The following TEX264 variants were observed in gnomAD, a reference collection of about 807,000 sequenced individuals.
The protein encoded by TEX264 is testis expressed 264, ER-phagy receptor, also known as testis-expressed protein 264.
In TEX264, 13 loss-of-function variants were observed where a neutral mutation model predicts 23.4. The ratio of observed to expected loss-of-function variants is 0.56; its 90% confidence interval spans 0.36 to 0.88. The LOEUF (loss-of-function observed/expected upper bound fraction) is 0.88. Ranked by LOEUF, TEX264 falls within the 40% of genes least tolerant of loss-of-function variation. The pLI, the probability that TEX264 is intolerant of heterozygous loss-of-function variation, is 0.01. For missense variants in TEX264, 340 were observed against 406.8 expected, an observed-to-expected ratio of 0.84 and a Z score of 1.41; for synonymous variants, 159 against 170.0, an observed-to-expected ratio of 0.94 and a Z score of 0.50.
At chr3:51,671,923 C>G (rs1362233938) in intron 1 of TEX264, 3 of 152,240 alleles carry the variant, frequency 2.0e-5, no homozygotes, top group Admixed American at 6.5e-5. Context: ...CGCGTCCATC[C>G]CGGGCCTCTG....
At chr3:51,685,470 C>T (rs1390706030) in intron 3 of TEX264, among the ~76,000 whole-genome samples, 1 of 152,124 alleles carries the variant, frequency 6.6e-6, no homozygotes, top group Non-Finnish European at 1.5e-5. Flanking sequence ...AAAAATAGGA[C>T]GTGTGCTAGA....
rs1702820852 is a variant in TEX264, at chr3:51,691,339, T to C, written c.480+6705T>C. ...CTTACCTGCTGGTACTGCCACCTGC[T>C]AAGTGGCCTGCTCTGGCACAGGGAG... On this transcript the variant is annotated intron_variant, in intron 3 of 4. Coordinates refer to ENST00000341333, the MANE Select transcript of TEX264 (RefSeq NM_015926.6). The surrounding 1 kb of genome is among the most constrained non-coding windows in gnomAD (Gnocchi z 4.4). Among the ~76,000 whole-genome samples, 2 of 152,192 alleles carry C rather than the reference T, an allele frequency of 1.3e-5. No homozygotes were observed.
At position 51,704,289 on chromosome 3, in the gene TEX264, A is replaced by G. The variant is rs1348439179; in HGVS notation, c.*273A>G. ...ACTCACAGTGGAGCTTCCAGGACCC[A>G]GAATAAAGCCAATGATTTACTTGTT... On this transcript the variant is annotated 3_prime_UTR_variant, in exon 5 of 5. Transcript: ENST00000341333. 1.5e-5 allele frequency: 5 copies of G among 335,270 alleles called. No individual in the cohort carries two copies. In the East Asian group the frequency reaches 2.2e-4, roughly 15 times the overall value. The allele number at this position is 335,270 out of a possible 1,614,324, so 20.8% of individuals were successfully genotyped here.
chr3:51,679,686 G>A (rs1293990880), intron 2 of TEX264, among the ~76,000 whole-genome samples: 2 of 152,220 alleles, frequency 1.3e-5, no homozygotes, highest in African/African-American at 2.4e-5. Flanking sequence ...GGCAGAGTCT[G>A]GGGAAAGTGG....
chr3:51,678,482 C>A (rs1472050097), intron 2 of TEX264, among the ~76,000 whole-genome samples: 5 of 152,180 alleles, frequency 3.3e-5, no homozygotes, highest in Admixed American at 1.3e-4. Flanking sequence ...CTGGCTGGGG[C>A]AAGATGGGTG....
At position 51,704,117 on chromosome 3, in the gene TEX264, G is replaced by T; in HGVS notation, c.*101G>T. The T allele has an allele frequency of 8.8e-7, 1 of 1,131,344 alleles. No homozygotes were observed. The highest frequency in any genetic ancestry group is 1.1e-6 in the Non-Finnish European group (1 of 872,150). 70.1% of individuals were successfully genotyped at this position (1,131,344 alleles called of 1,614,324 possible). ...TCCTCCTTCCTCTGGGGGAGGAGGG[G>T]TTCCTGAGGGACCTGACTTCCCCTG... On this transcript the variant is annotated 3_prime_UTR_variant, in exon 5 of 5. Coordinates refer to ENST00000341333, the MANE Select transcript of TEX264 (RefSeq NM_015926.6).
intron 1 of TEX264, among the ~76,000 whole-genome samples, chr3:51,673,989 G>T (rs1702143073): frequency 6.6e-6 from 1 of 152,144 alleles, no homozygotes; most frequent in South Asian, 2.1e-4. Context: ...GCCCCTCTGT[G>T]ACTCAGTTTC....
intron 3 of TEX264, among the ~76,000 whole-genome samples, chr3:51,692,974 A>G (rs560864257): frequency 2.0e-5 from 3 of 152,366 alleles, no homozygotes; most frequent in Admixed American, 6.5e-5. Context: ...GCCTAGAGAA[A>G]GGTAAGGCTG....
chr3:51,694,077 T>TTCCA (rs1553697565), intron 3 of TEX264, among the ~76,000 whole-genome samples: 1 of 108,168 alleles, frequency 9.2e-6, no homozygotes, highest in East Asian at 2.7e-4. Flanking sequence ...TTCCCCTTCC[T>TTCCA]TCCGTCCGTC....
chr3:51,681,347 TG>T (rs1397244780), intron 2 of TEX264: 4 of 152,430 alleles, frequency 2.6e-5, no homozygotes, highest in Admixed American at 6.5e-5. Context: ...CGCAGGATCC[TG>T]GACCTTTTTG....
rs912009143 is a variant in TEX264, at chr3:51,684,609, A to G, written c.455A>G (p.His152Arg). ...LSIWLATRRV[H>R]PALDTYIKER... Reference sequence around the variant, plus strand: ...ATCTGGCTGGCTACCCGCCGTGTCCATCCTGCCTTGGACACCTACATCAAG... The same window carrying G: ...ATCTGGCTGGCTACCCGCCGTGTCCGTCCTGCCTTGGACACCTACATCAAG... The change falls in exon 3 of 5, where the codon CAT becomes CGT. Residue 152 changes from histidine to arginine, a missense_variant. Transcript: ENST00000341333. The G allele has an allele frequency of 2.4e-5, 39 of 1,614,086 alleles. No homozygotes were observed. The highest frequency in any genetic ancestry group is 6.7e-5 in the Admixed American group (4 of 60,012).
chr3:51,690,471 GCAGTGAGCTGAGATCACGACACTGCC>G (rs1163036593), intron 3 of TEX264, among the ~76,000 whole-genome samples: 13 of 151,596 alleles, frequency 8.6e-5, no homozygotes, highest in South Asian at 2.1e-4. Context: ...GGCAGAGGTT[GCAGTGAGCTGAGATCACGACACTGCC>G]CAGTGAGCTG....
At chr3:51,692,634 AATC>A (rs1702870563) in intron 3 of TEX264, among the ~76,000 whole-genome samples, 2 of 152,230 alleles carry the variant, frequency 1.3e-5, no homozygotes, top group African/African-American at 2.4e-5. Context: ...GCTGCTGGAT[AATC>A]ATCAGCAACC....
At chr3:51,678,342 A>G (rs899741723) in intron 2 of TEX264, among the ~76,000 whole-genome samples, 6 of 152,072 alleles carry the variant, frequency 3.9e-5, no homozygotes, top group Admixed American at 3.3e-4. Context: ...CTGGGCTGCT[A>G]TCACTGTGCC....
At chr3:51,677,075 T>G (rs573513118) in intron 2 of TEX264, among the ~76,000 whole-genome samples, 243 of 152,340 alleles carry the variant, frequency 1.6e-3, no homozygotes, top group Non-Finnish European at 2.7e-3. Context: ...ACCCCCAGGC[T>G]TCAGGTGCTC....
At chr3:51,694,000 TTCCTTC>T (rs1559680469) in intron 3 of TEX264, among the ~76,000 whole-genome samples, 1 of 55,770 alleles carries the variant, frequency 1.8e-5, no homozygotes, top group Non-Finnish European at 3.4e-5. Context: ...CCTTCCTTCC[TTCCTTC>T]CTTCCTTCCT....
intron 1 of TEX264, chr3:51,671,826 G>A (rs1048424953): frequency 2.0e-5 from 3 of 152,246 alleles, no homozygotes; most frequent in Admixed American, 1.3e-4. Context: ...CCGTTTAAGG[G>A]CCCGGCCCTC....
At chr3:51,684,703 G>A (rs1342651435) in intron 3 of TEX264, 69 bp downstream of exon 3, 16 of 1,495,722 alleles carry the variant, frequency 1.1e-5, no homozygotes, top group Non-Finnish European at 1.5e-5. Flanking sequence ...GAGGAGGACT[G>A]CCTAGAATGG....
intron 3 of TEX264, among the ~76,000 whole-genome samples, chr3:51,687,048 C>G (rs917839643): frequency 6.6e-6 from 1 of 152,192 alleles, no homozygotes; most frequent in South Asian, 2.1e-4. Flanking sequence ...CCTTCCTCCC[C>G]GCTCCCATGG....
Sources: allele counts gnomAD v4.1 joint callset (sites outside exome capture counted in the v4.1 genomes callset), GRCh38; gene constraint gnomAD v4.1.1; non-coding constraint Gnocchi (gnomAD v3.1); transcripts MANE v1.5; gene names NCBI Gene and HGNC (gene_info 2026-07-23, HGNC 2026-07-21).